SNX25: variants seen among roughly 807,000 people sequenced by gnomAD.
SNX25 encodes sorting nexin-25.
In SNX25, 62 loss-of-function variants were observed where a neutral mutation model predicts 113.7. The ratio of observed to expected loss-of-function variants is 0.55; its 90% CI spans 0.44 to 0.67. The LOEUF (loss-of-function observed/expected upper bound fraction) is 0.67, where lower values mean the gene tolerates loss of function less well. SNX25 is among the 30% of genes least tolerant of loss of function. The pLI is 0.00. For synonymous variants in SNX25, 421 were observed against 436.2 expected, an observed-to-expected ratio of 0.97 and a Z score of 0.43; for missense variants, 1,014 against 1,161.0, an observed-to-expected ratio of 0.87 and a Z score of 1.84.
In SNX25 at chr4:185,323,798, A is replaced by G. The variant is rs1191411187; in HGVS notation, c.1747A>G (p.Met583Val). ...ACAGATGATTTCCAACAAGGATGAGATGGTGAGTCACATTTAACTTTCTGC... is the reference window on the plus strand; with the variant it reads ...ACAGATGATTTCCAACAAGGATGAGGTGGTGAGTCACATTTAACTTTCTGC... ...ASQMISNKDE[M>V]GPRDEAGEEA... Residue 583 changes from methionine to valine, a missense_variant and splice_region_variant, in exon 9 of 19, where the codon ATG becomes GTG. Met to Val is a conservative substitution (Grantham distance 21). Coordinates refer to ENST00000652585, the MANE Select transcript of SNX25 (RefSeq NM_001378034.2). The G allele has an allele frequency of 1.9e-6, 3 of 1,611,732 alleles. No homozygotes were observed. Among genetic ancestry groups the G allele is most frequent in the South Asian group, 2.2e-5 (2 of 90,432 alleles).
downstream of SNX25, chr4:185,372,758 T>TG: frequency 9.7e-7 from 1 of 1,034,852 alleles, no homozygotes; most frequent in South Asian, 1.6e-5. Flanking sequence ...AGCCCTCTCC[T>TG]GGCCTCTGGA....
intron 6 of SNX25, among the ~76,000 whole-genome samples, chr4:185,309,612 A>G (rs1235308627): frequency 1.3e-5 from 2 of 151,942 alleles, no homozygotes; most frequent in Non-Finnish European, 2.9e-5. Flanking sequence ...TTCCTCGGCA[A>G]CCTACCCTCT....
chr4:185,295,983 A>T (rs573783462), intron 6 of SNX25: 2 of 152,206 alleles, frequency 1.3e-5, no homozygotes, highest in Admixed American at 6.5e-5. Flanking sequence ...TTTCTTACTT[A>T]TCTGGAGTTT....
chr4:185,255,736 T>C (rs1236047277), intron 2 of SNX25, among the ~76,000 whole-genome samples: 2 of 152,214 alleles, frequency 1.3e-5, no homozygotes, highest in African/African-American at 4.8e-5. Flanking sequence ...GAAAGAGTGA[T>C]TGGCAGGTAG....
rs879206881 is a variant in SNX25 at position 185,353,334 on chromosome 4, G to C, written c.2467-151G>C. The stretch of plus-strand genomic sequence containing the variant: ...TCAAGCTTTTCTGAATCTGTCCTCT[G>C]TGTTGAAAATGGTAGTTTCTGCATG... On this transcript the variant is annotated intron_variant, in intron 14 of 18. Transcript: ENST00000652585. 1.5e-5 allele frequency: 9 copies of C among 595,148 alleles called. No individual in the cohort carries two copies. In the East Asian group the frequency reaches 2.4e-4, roughly 16 times the overall value. 36.9% of individuals were successfully genotyped at this position (595,148 alleles called of 1,614,324 possible).
Position 185,291,598 on chromosome 4 carries a change from G to A in SNX25, c.1162+3516G>A, listed in dbSNP as rs142445440. Among the ~76,000 whole-genome samples the A allele has an allele frequency of 8.1e-3, 1,228 of 152,292 alleles. 5 individuals are homozygous for A. Among genetic ancestry groups the A allele is most frequent in the Non-Finnish European group, 0.014 (960 of 68,024 alleles). On this transcript the variant is annotated intron_variant, in intron 6 of 18. Coordinates refer to ENST00000652585, the MANE Select transcript of SNX25 (RefSeq NM_001378034.2). ...AAAATCAAGGCTTTGGCAGGGCCAC[G>A]CTGCTTCTGAATGCGCTGGGGGAGC...
downstream of SNX25, chr4:185,367,386 A>T: frequency 1.5e-6 from 1 of 656,702 alleles, no homozygotes; most frequent in Non-Finnish European, 2.6e-6. Context: ...GATACTTTCT[A>T]TTCTGATGTC....
intron 5 of SNX25, among the ~76,000 whole-genome samples, chr4:185,280,876 G>A (rs540288033): frequency 2.5e-4 from 38 of 152,146 alleles, no homozygotes; most frequent in African/African-American, 8.4e-4. Flanking sequence ...ATGCAGAGCC[G>A]CAGTTATGGG....
chr4:185,224,430 A>AATATATAGATATATAAATATATATATAG (rs1740528844), intron 1 of SNX25, among the ~76,000 whole-genome samples: 1 of 98,774 alleles, frequency 1.0e-5, no homozygotes, highest in Admixed American at 1.3e-4. Context: ...AATATATAAA[A>AATATATAGATATATAAATATATATATAG]ATATATAGAT....
chr4:185,261,937 ATATTGTCTGT>A (rs1382766760), intron 3 of SNX25, among the ~76,000 whole-genome samples: 4 of 152,226 alleles, frequency 2.6e-5, no homozygotes, highest in Non-Finnish European at 5.9e-5. Flanking sequence ...ATATTGTCTA[ATATTGTCTGT>A]GTAGCATCTT....
chr4:185,374,001 T>C (rs1352402815), downstream of SNX25: 10 of 733,896 alleles, frequency 1.4e-5, no homozygotes. Context: ...GATCCTAAAA[T>C]GTATGCTTTC....
chr4:185,280,171 C>T (rs1003638256), intron 5 of SNX25, among the ~76,000 whole-genome samples: 1 of 152,134 alleles, frequency 6.6e-6, no homozygotes, highest in Non-Finnish European at 1.5e-5. Flanking sequence ...CGACCTTGGC[C>T]TCCCAAAGTA....
At chr4:185,360,218 C>T (rs1223815659) in intron 16 of SNX25, among the ~76,000 whole-genome samples, 1 of 151,916 alleles carries the variant, frequency 6.6e-6, no homozygotes, top group East Asian at 1.9e-4. Flanking sequence ...CTCTCTTAAA[C>T]CACAAGTTCT....
intron 5 of SNX25, among the ~76,000 whole-genome samples, chr4:185,279,125 T>G (rs1006341914): frequency 5.3e-5 from 8 of 151,218 alleles, no homozygotes; most frequent in Non-Finnish European, 1.2e-4. Flanking sequence ...TGTATATATA[T>G]TTTTATAATT....
chr4:185,313,995 C>T (rs954799002), intron 7 of SNX25, among the ~76,000 whole-genome samples: 15 of 152,052 alleles, frequency 9.9e-5, no homozygotes, highest in African/African-American at 3.4e-4. Context: ...GGTTTTCATC[C>T]GCATCATCTT....
intron 8 of SNX25, among the ~76,000 whole-genome samples, chr4:185,322,439 G>T (rs111433049): frequency 1.9e-4 from 29 of 152,050 alleles, no homozygotes; most frequent in African/African-American, 5.1e-4. Context: ...TGGGGAAGGT[G>T]GGGGGGAAGC....
chr4:185,281,397 A>G (rs898231712), intron 5 of SNX25, among the ~76,000 whole-genome samples: 2 of 152,176 alleles, frequency 1.3e-5, no homozygotes, highest in Admixed American at 1.3e-4. Flanking sequence ...TAACAACCCT[A>G]TAAAGAAAAA....
intron 9 of SNX25, among the ~76,000 whole-genome samples, chr4:185,325,158 G>A (rs188850367): frequency 2.0e-5 from 3 of 152,134 alleles, no homozygotes; most frequent in African/African-American, 7.2e-5. Context: ...GATTGAGATA[G>A]AAACAACATT....
chr4:185,367,577 T>C (rs1561071060), downstream of SNX25, among the ~76,000 whole-genome samples: 1 of 152,228 alleles, frequency 6.6e-6, no homozygotes, highest in Non-Finnish European at 1.5e-5. Context: ...AAAGTTGTTA[T>C]GATCTCATTA....
Sources: gnomAD v4.1 joint callset for allele counts (sites outside exome capture counted in the v4.1 genomes callset) on GRCh38, gnomAD v4.1.1 for gene constraint, MANE v1.5 for transcripts, NCBI Gene and HGNC (gene_info 2026-07-23, HGNC 2026-07-21) for gene names.